Variants in OPA3 observed in about 807,000 individuals in gnomAD.
The protein encoded by OPA3 is outer mitochondrial membrane lipid metabolism regulator OPA3.
A neutral mutation model predicts 4.0 loss-of-function variants in OPA3; 6 were observed. The ratio of observed to expected loss-of-function variants is 1.51; its 90% CI spans 0.83 to 2.99. OPA3 has a LOEUF of 2.99. Ranked by LOEUF, OPA3 falls within the 30% of genes most tolerant of loss-of-function variation. The pLI is 0.00. For missense variants in OPA3, 235 were observed against 256.2 expected, an observed-to-expected ratio of 0.92 and a Z score of 0.56; for synonymous variants, 105 against 117.1, an observed-to-expected ratio of 0.90 and a Z score of 0.67.
Position 45,550,521 on chromosome 19 carries a change from C to T in OPA3, c.*2993G>A. ...CTCAGCCATCGCCTCTCCCTCCTCA[C>T]TCTGCAGCTGGGGTAATCCAAGCCT... On this transcript the variant is annotated 3_prime_UTR_variant, in exon 2 of 2. Coordinates refer to ENST00000263275, the MANE Select transcript of OPA3 (RefSeq NM_025136.4). The T allele has an allele frequency of 1.0e-6, 1 of 986,840 alleles. No homozygotes were observed. The highest frequency in any genetic ancestry group is 1.2e-6 in the Non-Finnish European group (1 of 831,062). The allele number at this position is 986,840 out of a possible 1,614,324, so 61.1% of individuals were successfully genotyped here. A position where few individuals can be genotyped will look rare whatever the true frequency, so the allele number is the denominator to read the frequency against.
intron 1 of OPA3, among the ~76,000 whole-genome samples, chr19:45,531,571 A>G (rs1387137148): frequency 6.6e-6 from 1 of 152,150 alleles, no homozygotes; most frequent in Non-Finnish European, 1.5e-5. Flanking sequence ...ATTTCATTCT[A>G]GTTTTCCTGG....
intron 1 of OPA3, among the ~76,000 whole-genome samples, chr19:45,558,174 T>C (rs1390997092): frequency 4.6e-5 from 7 of 151,552 alleles, no homozygotes; most frequent in Admixed American, 3.3e-4. Context: ...CCAGTAAAAA[T>C]ACAAAAAATT....
At chr19:45,560,448 G>A (rs547683435) in intron 1 of OPA3, among the ~76,000 whole-genome samples, 1 of 152,284 alleles carries the variant, frequency 6.6e-6, no homozygotes, top group East Asian at 1.9e-4. Context: ...CTGTGGAGGT[G>A]CCCAGGAGGT....
chr19:45,554,450 C>G (rs1969390878), intron 1 of OPA3, among the ~76,000 whole-genome samples: 1 of 152,190 alleles, frequency 6.6e-6, no homozygotes, highest in African/African-American at 2.4e-5. Context: ...AGAATTTCAT[C>G]AGCCCTGAAG....
At chr19:45,542,374 GCAAACAT>G (rs1969195007), downstream of OPA3, among the ~76,000 whole-genome samples, 1 of 152,152 alleles carries the variant, frequency 6.6e-6, no homozygotes, top group African/African-American at 2.4e-5. Context: ...TTGTCATTGT[GCAAACAT>G]CACAGAGTGG....
intron 1 of OPA3, among the ~76,000 whole-genome samples, chr19:45,564,532 A>G (rs746333157): frequency 1.3e-5 from 2 of 152,168 alleles, no homozygotes; most frequent in African/African-American, 2.4e-5. Context: ...AGACATCAAG[A>G]GCCCACTCAG....
At chr19:45,534,573 A>AAT in intron 1 of OPA3, among the ~76,000 whole-genome samples, 1 of 151,074 alleles carries the variant, frequency 6.6e-6, no homozygotes, top group East Asian at 1.9e-4. Context: ...AAAAAAAAAA[A>AAT]AAAAAAAAGT....
chr19:45,540,107 A>G (rs909245253), intron 1 of OPA3, among the ~76,000 whole-genome samples: 4 of 151,840 alleles, frequency 2.6e-5, no homozygotes, highest in Non-Finnish European at 5.9e-5. Flanking sequence ...TCACGAGCTC[A>G]GGAGATTGAG....
chr19:45,582,014 G>C (rs539300515), intron 1 of OPA3, among the ~76,000 whole-genome samples: 20 of 152,052 alleles, frequency 1.3e-4, no homozygotes, highest in Non-Finnish European at 2.5e-4. Context: ...GGTCAGGCTG[G>C]TCTCGAACTC....
intron 1 of OPA3, among the ~76,000 whole-genome samples, chr19:45,536,998 G>C (rs1044702947): frequency 2.0e-5 from 3 of 152,148 alleles, no homozygotes; most frequent in African/African-American, 4.8e-5. Flanking sequence ...GGAAGGCCAA[G>C]GTGGGAGGAT....
chr19:45,550,278 T>G lies in OPA3; in HGVS notation c.*3236A>C, dbSNP rs1004348319. On this transcript the variant is annotated 3_prime_UTR_variant, in exon 2 of 2. Coordinates refer to ENST00000263275, the MANE Select transcript of OPA3 (RefSeq NM_025136.4). ...GTTTTACCTCTTTAGAGAAGGGAGGTGAGGATGGAAGTCGGGGAAAGCCCG... is the reference window on the plus strand; with the variant it reads ...GTTTTACCTCTTTAGAGAAGGGAGGGGAGGATGGAAGTCGGGGAAAGCCCG... 9.1e-6 allele frequency: 9 copies of G among 985,118 alleles called. No homozygotes were observed. Among genetic ancestry groups the G allele is most frequent in the Non-Finnish European group, 1.1e-5 (9 of 829,882 alleles). 61.0% of individuals were successfully genotyped at this position (985,118 alleles called of 1,614,324 possible).
At chr19:45,529,826 G>A (rs1240872343) in intron 1 of OPA3, among the ~76,000 whole-genome samples, 2 of 152,122 alleles carry the variant, frequency 1.3e-5, no homozygotes, top group African/African-American at 4.8e-5. Context: ...GAACTCCTGG[G>A]CTCAAGCGAT....
intron 1 of OPA3, among the ~76,000 whole-genome samples, chr19:45,570,981 G>GGC (rs962542597): frequency 1.5e-4 from 20 of 135,032 alleles, no homozygotes; most frequent in Non-Finnish European, 2.5e-4. Context: ...AACTATTTGG[G>GGC]GGGGGGGGGC....
chr19:45,583,870 G>T (rs1969891990), intron 1 of OPA3, among the ~76,000 whole-genome samples: 1 of 152,300 alleles, frequency 6.6e-6, no homozygotes, highest in South Asian at 2.1e-4. Context: ...CAGGTCCCTG[G>T]GTCAGCCAGT....
chr19:45,577,742 A>G (rs1969789652), intron 1 of OPA3, among the ~76,000 whole-genome samples: 1 of 152,228 alleles, frequency 6.6e-6, no homozygotes. Flanking sequence ...AGTCCCCTGA[A>G]GGGATGTCCT....
At chr19:45,561,555 C>A (rs560641202) in intron 1 of OPA3, among the ~76,000 whole-genome samples, 1 of 152,076 alleles carries the variant, frequency 6.6e-6, no homozygotes, top group African/African-American at 2.4e-5. Flanking sequence ...GGCTAAATCC[C>A]GTGGAACCGG....
Position 45,553,332 on chromosome 19 carries a change from G to C in OPA3, c.*182C>G, listed in dbSNP as rs995825798. 4.1e-6 allele frequency: 6 copies of C among 1,480,728 alleles called. No homozygotes were observed. In the Admixed American group the frequency reaches 6.7e-5, roughly 16 times the overall value. The allele number at this position is 1,480,728 out of a possible 1,614,324, so 91.7% of individuals were successfully genotyped here. On this transcript the variant is annotated 3_prime_UTR_variant, in exon 2 of 2. Coordinates refer to ENST00000263275, the MANE Select transcript of OPA3 (RefSeq NM_025136.4). The stretch of plus-strand genomic sequence containing the variant: ...ATGATGGAGGGGGCTATGTTGCAAC[G>C]CTTCACCTGCTGGTCCCAGTGGCAG...
chr19:45,529,206 C>T, exon 2 of OPA3: 1 of 1,611,994 alleles, frequency 6.2e-7, no homozygotes, highest in Non-Finnish European at 8.5e-7. Context: ...CCTCGAGCGC[C>T]AGCCCCAAGT....
intron 1 of OPA3, among the ~76,000 whole-genome samples, chr19:45,540,642 G>C (rs1221632899): frequency 6.6e-6 from 1 of 151,366 alleles, no homozygotes; most frequent in African/African-American, 2.4e-5. Flanking sequence ...GAGGCGGGCG[G>C]ATCACCTGAA....
Sources: allele counts gnomAD v4.1 joint callset (sites outside exome capture counted in the v4.1 genomes callset), GRCh38; gene constraint gnomAD v4.1.1; transcripts MANE v1.5; gene names NCBI Gene and HGNC (gene_info 2026-07-23, HGNC 2026-07-21).